TSPAN14: variants seen among roughly 807,000 people sequenced by gnomAD.
TSPAN14 encodes the protein tetraspanin 14.
Under a neutral mutation model 36.6 loss-of-function variants are expected in TSPAN14, and 16 were observed. The observed-to-expected ratio is 0.44, with a 90% CI of 0.30 to 0.66. TSPAN14 has a LOEUF of 0.66. TSPAN14 is among the 30% of genes least tolerant of loss of function. TSPAN14 has a pLI of 0.12. For synonymous variants in TSPAN14, 139 were observed against 143.8 expected (o/e 0.97, Z 0.24); for missense variants, 231 against 355.1 (o/e 0.65, Z 2.81).
intron 3 of TSPAN14, among the ~76,000 whole-genome samples, chr10:80,506,482 C>G (rs887716843): frequency 6.6e-6 from 1 of 152,162 alleles, no homozygotes; most frequent in Non-Finnish European, 1.5e-5. Flanking sequence ...GTGGTCTCTC[C>G]GGTCCCTTAG....
intron 1 of TSPAN14, among the ~76,000 whole-genome samples, chr10:80,488,052 G>A (rs77749208): frequency 0.015 from 2,267 of 152,330 alleles, 81 homozygotes; most frequent in East Asian, 0.12. Flanking sequence ...ACTGGCGGAT[G>A]TGGGTGGGTC....
At chr10:80,495,894 A>G (rs889690408) in intron 2 of TSPAN14, among the ~76,000 whole-genome samples, 5 of 152,136 alleles carry the variant, frequency 3.3e-5, no homozygotes, top group African/African-American at 1.2e-4. Flanking sequence ...ATCACCCCAG[A>G]AACTTTCCTT....
intron 1 of TSPAN14, among the ~76,000 whole-genome samples, chr10:80,477,927 C>G (rs1380233303): frequency 6.6e-6 from 1 of 152,104 alleles, no homozygotes; most frequent in Non-Finnish European, 1.5e-5. Context: ...ACAAATGATG[C>G]TGACAACAGG....
chr10:80,516,117 C>T, intron 7 of TSPAN14, 87 bp from the exon 8 acceptor site: 1 of 1,597,668 alleles, frequency 6.3e-7, no homozygotes, highest in South Asian at 1.1e-5. Context: ...CCCTGCTTTG[C>T]CCTGCTCCTT....
At chr10:80,486,350 C>T (rs578212386) in intron 1 of TSPAN14, among the ~76,000 whole-genome samples, 7 of 152,308 alleles carry the variant, frequency 4.6e-5, no homozygotes, top group African/African-American at 1.2e-4. Flanking sequence ...GACCAGGGAC[C>T]GTCAGGTTGA....
At chr10:80,506,312 T>G (rs563429667) in intron 3 of TSPAN14, among the ~76,000 whole-genome samples, 7 of 152,338 alleles carry the variant, frequency 4.6e-5, no homozygotes, top group African/African-American at 1.7e-4. Flanking sequence ...ATGTTCTGAT[T>G]AGTTGAGGCG....
rs184371925 is a variant in TSPAN14 at position 80,454,561 on chromosome 10, C to A, written c.-18+190C>A. ...GCTGGCTTTGTCTGCCAGGATTGCTCGCTAGAGGTTGGAGGCCTCCGCCGG... is the reference window on the plus strand; with the variant it reads ...GCTGGCTTTGTCTGCCAGGATTGCTAGCTAGAGGTTGGAGGCCTCCGCCGG... On this transcript the variant is annotated intron_variant, in intron 1 of 8. Transcript: ENST00000429989. 3.9e-3 allele frequency among the ~76,000 whole-genome samples: 596 copies of A among 151,982 alleles called. 23 individuals are homozygous for A. The highest frequency in any genetic ancestry group is 0.037 in the Admixed American group (568 of 15,282).
At position 80,509,292 on chromosome 10, in the gene TSPAN14, C is replaced by G. The variant is rs1840475776; in HGVS notation, c.280-9C>G. The G allele has an allele frequency of 6.2e-7, 1 of 1,612,450 alleles. No homozygotes were observed. On this transcript the variant is annotated splice_polypyrimidine_tract_variant and intron_variant, in intron 4 of 8. Coordinates refer to ENST00000429989, the Ensembl canonical transcript of TSPAN14. This position sits in a 1 kb window ranked among gnomAD's most constrained non-coding sequence, Gnocchi z 4.7. ...TGGTGACTTCTGCTCCCGTCCCCTTCCCCTGCAGTTCTGTGGCACCATCGT... is the reference window on the plus strand; with the variant it reads ...TGGTGACTTCTGCTCCCGTCCCCTTGCCCTGCAGTTCTGTGGCACCATCGT...
intron 2 of TSPAN14, 151 bp downstream of exon 2, chr10:80,489,465 T>A (rs1436680480): frequency 4.2e-5 from 28 of 663,206 alleles, no homozygotes. Flanking sequence ...ACAGAACCAG[T>A]TGCAGCTGTG....
intron 1 of TSPAN14, among the ~76,000 whole-genome samples, chr10:80,455,397 ATTG>A (rs1445203701): frequency 6.6e-6 from 1 of 152,058 alleles, no homozygotes; most frequent in African/African-American, 2.4e-5. Flanking sequence ...TGTGCAGAGC[ATTG>A]TATTGGAGCC....
At chr10:80,507,881 C>G (rs75328701) in intron 4 of TSPAN14, among the ~76,000 whole-genome samples, 2,208 of 152,240 alleles carry the variant, frequency 0.015, 61 homozygotes, top group African/African-American at 0.05. Context: ...AGTTAAATAA[C>G]ACCTGGTGGG....
intron 1 of TSPAN14, among the ~76,000 whole-genome samples, chr10:80,467,619 G>A (rs1221778729): frequency 6.6e-6 from 1 of 152,178 alleles, no homozygotes; most frequent in East Asian, 1.9e-4. Flanking sequence ...GCCAACTCAG[G>A]ATCCTTTGGA....
exon 9 of TSPAN14, chr10:80,521,002 T>C: frequency 2.6e-6 from 1 of 379,656 alleles, no homozygotes; most frequent in Non-Finnish European, 5.2e-6. Flanking sequence ...TGAAAAACCA[T>C]CTGCATGGTC....
intron 2 of TSPAN14, 51 bp downstream of exon 2, chr10:80,489,365 A>T (rs776098391): frequency 7.9e-7 from 1 of 1,261,264 alleles, no homozygotes; most frequent in South Asian, 1.3e-5. Flanking sequence ...TCATTCAGTA[A>T]ATTATGGTTT....
Position 80,509,321 on chromosome 10 carries a change from C to T in TSPAN14, c.300C>T (p.Leu100=). 1 of 1,613,904 alleles carries T rather than the reference C, an allele frequency of 6.2e-7. No homozygotes were observed. Among genetic ancestry groups the T allele is most frequent in the Non-Finnish European group, 8.5e-7 (1 of 1,179,974 alleles). The change falls in exon 5 of 9, where the codon CTC becomes CTT. Residue 100 remains leucine (L), a synonymous_variant. Coordinates refer to ENST00000429989, the Ensembl canonical transcript of TSPAN14. The surrounding 1 kb of genome is among the most constrained non-coding windows in gnomAD (Gnocchi z 4.7). ...TGCAGTTCTGTGGCACCATCGTGCTCATCTTCTTCCTGGAGCTGGCTGTGG... is the reference window on the plus strand; with the variant it reads ...TGCAGTTCTGTGGCACCATCGTGCTTATCTTCTTCCTGGAGCTGGCTGTGG...
At chr10:80,472,230 A>C (rs1035774687) in intron 1 of TSPAN14, among the ~76,000 whole-genome samples, 1 of 152,156 alleles carries the variant, frequency 6.6e-6, no homozygotes, top group African/African-American at 2.4e-5. Context: ...CACAAACTCT[A>C]TGTTTCAGTT....
At chr10:80,504,257 G>A (rs1840163565) in intron 2 of TSPAN14, among the ~76,000 whole-genome samples, 1 of 152,250 alleles carries the variant, frequency 6.6e-6, no homozygotes, top group Non-Finnish European at 1.5e-5. Flanking sequence ...GCTGGGGTGT[G>A]TGGCAGAGAT....
rs1326407523 is a variant in TSPAN14, at chr10:80,509,430, G to A, written c.409G>A (p.Asp137Asn). ...GAGCAACATCAAGTCCTACCGGGAC[G>A]ATATCGATCTGCAAAACCTCATCGA... Residue 137 changes from aspartate (D) to asparagine (N), a missense_variant, in exon 5 of 9, where the codon GAT (aspartate) becomes AAT (asparagine). Physicochemically the swap from Asp to Asn is conservative, Grantham distance 23. Coordinates refer to ENST00000429989, the Ensembl canonical transcript of TSPAN14. The surrounding 1 kb of genome is among the most constrained non-coding windows in gnomAD (Gnocchi z 4.7). 5 of 1,613,970 alleles carry A rather than the reference G, an allele frequency of 3.1e-6. No homozygotes were observed. Among genetic ancestry groups the A allele is most frequent in the South Asian group, 1.1e-5 (1 of 91,074 alleles).
chr10:80,481,227 C>A (rs1195485770), intron 1 of TSPAN14, among the ~76,000 whole-genome samples: 1 of 152,072 alleles, frequency 6.6e-6, no homozygotes, highest in Admixed American at 6.6e-5. Flanking sequence ...GGGTGTATCC[C>A]AAAAGATGTA....
Sources: gnomAD v4.1 joint callset for allele counts (sites outside exome capture counted in the v4.1 genomes callset) on GRCh38, gnomAD v4.1.1 for gene constraint, Gnocchi (gnomAD v3.1) non-coding constraint, MANE v1.5 for transcripts, NCBI Gene and HGNC (gene_info 2026-07-23, HGNC 2026-07-21) for gene names.